The following ADAMTS12 variants were observed in gnomAD, a reference collection of about 807,000 sequenced individuals.
ADAMTS12 encodes the protein A disintegrin and metalloproteinase with thrombospondin motifs 12.
In ADAMTS12, 118 loss-of-function variants were observed where a neutral mutation model predicts 167.8. That is an observed-to-expected ratio of 0.70 (90% CI 0.61 to 0.82). The LOEUF is 0.82. Among genes scored for constraint, ADAMTS12 ranks in the 40% least tolerant of loss-of-function variants. ADAMTS12 has a pLI of 0.00. For missense variants in ADAMTS12, 1,916 were observed against 1,998.8 expected, an observed-to-expected ratio of 0.96 and a Z score of 0.79; for synonymous variants, 704 against 716.9, an observed-to-expected ratio of 0.98 and a Z score of 0.29.
intron 19 of ADAMTS12, among the ~76,000 whole-genome samples, chr5:33,565,282 A>AGCTACAGGCTCAGTTCAGCCT: frequency 6.6e-6 from 1 of 152,180 alleles, no homozygotes; most frequent in South Asian, 2.1e-4. Context: ...CAGGCTCCCG[A>AGCTACAGGCTCAGTTCAGCCT]GTAGCTGGAA....
In ADAMTS12 at chr5:33,874,000, G is replaced by A. The variant is rs868494550; in HGVS notation, c.489+7119C>T. ...AGAGATAATACAGGAGAAAAATCTA[G>A]ATAACCTTGTTTTTTTCAATGACTG... On this transcript the variant is annotated intron_variant, in intron 2 of 23. Coordinates refer to ENST00000504830, the MANE Select transcript of ADAMTS12 (RefSeq NM_030955.4). 1.3e-5 allele frequency among the ~76,000 whole-genome samples: 2 copies of A among 152,132 alleles called. 1 individual carries two copies. Among genetic ancestry groups the A allele is most frequent in the Middle Eastern group, 6.8e-3 (2 of 294 alleles).
rs77101595 is a variant in ADAMTS12 at position 33,842,808 on chromosome 5, G to A, written c.489+38311C>T. The stretch of plus-strand genomic sequence containing the variant: ...TACCAAGAGCCAGGATAACAGTGGG[G>A]TGCGAACACACATTCAGAAAGCTAA... On this transcript the variant is annotated intron_variant, in intron 2 of 23. Coordinates refer to ENST00000504830, the MANE Select transcript of ADAMTS12 (RefSeq NM_030955.4). Among the ~76,000 whole-genome samples the A allele has an allele frequency of 4.9e-3, 748 of 152,270 alleles. 5 individuals carry two copies. The highest frequency in any genetic ancestry group is 0.017 in the African/African-American group (710 of 41,552).
chr5:33,722,118 G>A (rs1465980940), intron 3 of ADAMTS12, among the ~76,000 whole-genome samples: 2 of 152,188 alleles, frequency 1.3e-5, no homozygotes, highest in Non-Finnish European at 1.5e-5. Context: ...AAACTGCAAT[G>A]TGACTAACAC....
chr5:33,801,387 A>G (rs2112472891), intron 2 of ADAMTS12, among the ~76,000 whole-genome samples: 1 of 152,320 alleles, frequency 6.6e-6, no homozygotes, highest in South Asian at 2.1e-4. Flanking sequence ...GTTTGCTCAC[A>G]TCATAACTGA....
chr5:33,552,681 GGT>G (rs1301592319), intron 20 of ADAMTS12, among the ~76,000 whole-genome samples: 2 of 152,164 alleles, frequency 1.3e-5, no homozygotes, highest in Non-Finnish European at 2.9e-5. Flanking sequence ...GATAGTTGTA[GGT>G]GTGTGGTCTT....
At chr5:33,851,617 C>T (rs770605390) in intron 2 of ADAMTS12, among the ~76,000 whole-genome samples, 6 of 152,168 alleles carry the variant, frequency 3.9e-5, no homozygotes, top group Non-Finnish European at 8.8e-5. Flanking sequence ...CACAACCTTC[C>T]AGATAGAAAA....
chr5:33,745,118 C>T (rs1167328100), intron 3 of ADAMTS12, among the ~76,000 whole-genome samples: 1 of 152,170 alleles, frequency 6.6e-6, no homozygotes, highest in Non-Finnish European at 1.5e-5. Context: ...GTACCCAGAT[C>T]TTTGGGGGTT....
chr5:33,576,054 C>A lies in ADAMTS12; in HGVS notation c.3972G>T (p.Glu1324Asp). ...AGGCCAGGGGTAGGAAATGTCTTACCTCGCTCCAGTTTCCGACGATCCAGT... is the reference window on the plus strand; with the variant it reads ...AGGCCAGGGGTAGGAAATGTCTTACATCGCTCCAGTTTCCGACGATCCAGT... ...SAHWIVGNWS[E>D]CSTTCGLGAY... Residue 1324 changes from glutamate to aspartate, a missense_variant and splice_region_variant, in exon 19 of 24, where the codon GAG becomes GAT. Coordinates refer to ENST00000504830, the MANE Select transcript of ADAMTS12 (RefSeq NM_030955.4). The A allele has an allele frequency of 6.2e-7, 1 of 1,609,928 alleles. No individual in the cohort carries two copies.
At position 33,708,258 on chromosome 5, in the gene ADAMTS12, T is replaced by C. The variant is rs145903733; in HGVS notation, c.635-24203A>G. On this transcript the variant is annotated intron_variant, in intron 3 of 23. Transcript: ENST00000504830. ...AAAACCAAAATGAGATACCATCTCA[T>C]GCCTGTTAGAATGGCCATCATTAAA... Among the ~76,000 whole-genome samples, 171 of 152,214 alleles carry C rather than the reference T, an allele frequency of 1.1e-3. 1 individual carries two copies. The East Asian group carries it at 0.023, about 20-fold the overall frequency.
intron 2 of ADAMTS12, among the ~76,000 whole-genome samples, chr5:33,831,253 T>C (rs1561295975): frequency 6.6e-6 from 1 of 152,188 alleles, no homozygotes; most frequent in Non-Finnish European, 1.5e-5. Context: ...ATATCCCTTA[T>C]TAAAGATGAG....
intron 22 of ADAMTS12, among the ~76,000 whole-genome samples, chr5:33,541,387 G>A (rs115272039): frequency 2.0e-5 from 3 of 152,248 alleles, no homozygotes; most frequent in African/African-American, 7.2e-5. Context: ...GGAGAAGAAT[G>A]GAACCAAGTT....
At chr5:33,824,241 G>T (rs1389339946) in intron 2 of ADAMTS12, among the ~76,000 whole-genome samples, 1 of 152,094 alleles carries the variant, frequency 6.6e-6, no homozygotes, top group African/African-American at 2.4e-5. Context: ...GCTTGAGCCT[G>T]ACCCAGGACT....
intron 9 of ADAMTS12, among the ~76,000 whole-genome samples, chr5:33,645,144 T>TTTTTTATTA (rs1320844423): frequency 2.1e-5 from 3 of 146,086 alleles, no homozygotes; most frequent in African/African-American, 7.6e-5. Context: ...AAATGCTTTA[T>TTTTTTATTA]TTATTATTAT....
At chr5:33,631,338 C>G (rs1189729756) in intron 12 of ADAMTS12, among the ~76,000 whole-genome samples, 11 of 152,080 alleles carry the variant, frequency 7.2e-5, no homozygotes, top group African/African-American at 2.7e-4. Flanking sequence ...GTAAGTAGAC[C>G]TCCAGGGGAC....
At chr5:33,701,141 G>A (rs1486407560) in intron 3 of ADAMTS12, among the ~76,000 whole-genome samples, 1 of 150,468 alleles carries the variant, frequency 6.6e-6, no homozygotes, top group African/African-American at 2.4e-5. Flanking sequence ...TTATAGATGT[G>A]TGCATAAATA....
chr5:33,739,307 TAC>T (rs370000785), intron 3 of ADAMTS12, among the ~76,000 whole-genome samples: 2 of 150,936 alleles, frequency 1.3e-5, no homozygotes, highest in Non-Finnish European at 3.0e-5. Flanking sequence ...ACATTCTCCA[TAC>T]ACACACACAC....
intron 11 of ADAMTS12, among the ~76,000 whole-genome samples, chr5:33,638,618 ATT>A (rs1186400938): frequency 1.3e-5 from 2 of 151,964 alleles, no homozygotes; most frequent in African/African-American, 4.8e-5. Flanking sequence ...ACCAGCAGTA[ATT>A]TTTTTCTCCT....
At chr5:33,637,470 A>G (rs1239263088) in intron 12 of ADAMTS12, 107 bp downstream of exon 12, 3 of 1,197,868 alleles carry the variant, frequency 2.5e-6, no homozygotes, top group Non-Finnish European at 1.2e-6. Context: ...CTGGTGTACA[A>G]TTGTCTTTGT....
chr5:33,875,632 G>C (rs963115509), intron 2 of ADAMTS12, among the ~76,000 whole-genome samples: 1 of 152,068 alleles, frequency 6.6e-6, no homozygotes, highest in Non-Finnish European at 1.5e-5. Context: ...ATCAAAAAAA[G>C]CTCTCAGAAA....
Sources: gnomAD v4.1 joint callset for allele counts (sites outside exome capture counted in the v4.1 genomes callset) on GRCh38, gnomAD v4.1.1 for gene constraint, MANE v1.5 for transcripts, NCBI Gene and HGNC (gene_info 2026-07-23, HGNC 2026-07-21) for gene names.